ZNF385D: variants seen among roughly 807,000 people sequenced by gnomAD.
ZNF385D encodes zinc finger protein 385D.
Under a neutral mutation model 35.8 loss-of-function variants are expected in ZNF385D, and 15 were observed. The ratio of observed to expected loss-of-function variants is 0.42; its 90% CI spans 0.28 to 0.64. The LOEUF (loss-of-function observed/expected upper bound fraction) is 0.64, where lower values mean the gene tolerates loss of function less well. Ranked by LOEUF, ZNF385D falls within the 30% of genes least tolerant of loss-of-function variation. The pLI, the probability that ZNF385D is intolerant of heterozygous loss-of-function variation, is 0.23. For synonymous variants in ZNF385D, 212 were observed against 186.8 expected, an observed-to-expected ratio of 1.13 and a Z score of -1.10; for missense variants, 474 against 494.6, an observed-to-expected ratio of 0.96 and a Z score of 0.39.
intron 2 of ZNF385D, among the ~76,000 whole-genome samples, chr3:22,188,303 A>G (rs938684842): frequency 2.6e-5 from 4 of 152,168 alleles, no homozygotes; most frequent in Non-Finnish European, 5.9e-5. Flanking sequence ...TGAAAGACCA[A>G]TGGCAATTAA....
At chr3:21,509,098 C>T (rs1707007172) in intron 4 of ZNF385D, among the ~76,000 whole-genome samples, 1 of 151,722 alleles carries the variant, frequency 6.6e-6, no homozygotes, top group African/African-American at 2.4e-5. Flanking sequence ...AGCAGCTCTA[C>T]CTACCACACA....
intron 3 of ZNF385D, among the ~76,000 whole-genome samples, chr3:21,772,292 T>C (rs1368440997): frequency 6.6e-6 from 1 of 151,816 alleles, no homozygotes; most frequent in Non-Finnish European, 1.5e-5. Context: ...AGAAAGGCAA[T>C]TCACAGAATG....
At chr3:21,956,341 A>G (rs566972387) in intron 3 of ZNF385D, among the ~76,000 whole-genome samples, 1 of 152,028 alleles carries the variant, frequency 6.6e-6, no homozygotes, top group Non-Finnish European at 1.5e-5. Context: ...TACAAATGTG[A>G]TATTCCTCCT....
At chr3:21,711,203 G>A (rs1244940678) in intron 1 of ZNF385D, among the ~76,000 whole-genome samples, 2 of 151,390 alleles carry the variant, frequency 1.3e-5, no homozygotes, top group Admixed American at 6.6e-5. Flanking sequence ...CATCACGCCC[G>A]GCTAATTTTT....
At chr3:21,594,317 C>T (rs1187275740) in intron 2 of ZNF385D, among the ~76,000 whole-genome samples, 3 of 152,240 alleles carry the variant, frequency 2.0e-5, no homozygotes, top group Middle Eastern at 6.8e-3. Flanking sequence ...TTTAAAACAG[C>T]CCTGTCTTAG....
intron 3 of ZNF385D, among the ~76,000 whole-genome samples, chr3:21,809,186 T>C (rs2072792311): frequency 6.6e-6 from 1 of 152,106 alleles, no homozygotes; most frequent in Non-Finnish European, 1.5e-5. Flanking sequence ...AAAGTAGCTA[T>C]TATTAAAATG....
At chr3:22,316,383 T>C (rs925026627) in intron 2 of ZNF385D, among the ~76,000 whole-genome samples, 2 of 152,208 alleles carry the variant, frequency 1.3e-5, no homozygotes, top group African/African-American at 4.8e-5. Context: ...AGGCAATTAA[T>C]AATAAAGTAG....
At chr3:22,010,021 C>T (rs779545965) in intron 3 of ZNF385D, among the ~76,000 whole-genome samples, 3 of 152,006 alleles carry the variant, frequency 2.0e-5, no homozygotes, top group Admixed American at 1.3e-4. Flanking sequence ...CAGGTAAACA[C>T]AGTCACTTCT....
At chr3:22,007,394 A>G (rs1472672322) in intron 3 of ZNF385D, among the ~76,000 whole-genome samples, 1 of 152,162 alleles carries the variant, frequency 6.6e-6, no homozygotes, top group Non-Finnish European at 1.5e-5. Context: ...ACTTTTATGG[A>G]TATTTATTTA....
intron 3 of ZNF385D, chr3:21,511,644 A>C (rs1253528292): frequency 2.2e-6 from 1 of 455,240 alleles, no homozygotes; most frequent in Non-Finnish European, 4.4e-6. Flanking sequence ...GAGAAGTTCA[A>C]CTTAGTGTCA....
At chr3:21,976,789 G>A (rs977813780) in intron 3 of ZNF385D, among the ~76,000 whole-genome samples, 9 of 152,162 alleles carry the variant, frequency 5.9e-5, no homozygotes, top group African/African-American at 1.7e-4. Flanking sequence ...TCAGGAGTTC[G>A]AGAACATCCT....
At chr3:22,011,676 A>G (rs1205111318) in intron 3 of ZNF385D, among the ~76,000 whole-genome samples, 9 of 152,226 alleles carry the variant, frequency 5.9e-5, no homozygotes, top group African/African-American at 2.2e-4. Context: ...TGATATAATA[A>G]AAGCTATAAT....
rs1461873930 is a variant in ZNF385D, at chr3:21,418,653, T to C, written c.*2561A>G. ...ATGCCTTGTGACCCAGGACACTGTG[T>C]ATCCCATAGGCCCTGATTTTTAGTG... is the stretch of plus-strand genomic sequence containing the variant. On this transcript the variant is annotated 3_prime_UTR_variant, in exon 8 of 8. Coordinates refer to ENST00000281523, the MANE Select transcript of ZNF385D (RefSeq NM_024697.3). 1.3e-5 allele frequency: 2 copies of C among 152,176 alleles called. No homozygotes were observed. Among genetic ancestry groups the C allele is most frequent in the Non-Finnish European group, 2.9e-5 (2 of 68,002 alleles). 9.4% of individuals were successfully genotyped at this position (152,176 alleles called of 1,614,324 possible).
intron 2 of ZNF385D, among the ~76,000 whole-genome samples, chr3:21,632,728 G>T (rs1175064901): frequency 1.3e-5 from 2 of 152,056 alleles, no homozygotes; most frequent in African/African-American, 4.8e-5. Context: ...ATTTGTAGTG[G>T]GTCATACATC....
chr3:21,803,413 G>A (rs1271900513), intron 3 of ZNF385D, among the ~76,000 whole-genome samples: 1 of 152,060 alleles, frequency 6.6e-6, no homozygotes, highest in African/African-American at 2.4e-5. Context: ...GTTTTCTTCT[G>A]TATAGGAGTC....
In ZNF385D at chr3:22,202,406, T is replaced by A. The variant is rs145376091; in HGVS notation, c.107-33371A>T. Among the ~76,000 whole-genome samples the A allele has an allele frequency of 1.0e-3, 155 of 152,212 alleles. 3 individuals are homozygous for A. Among genetic ancestry groups the A allele is most frequent in the Admixed American group, 9.5e-3 (145 of 15,262 alleles). On this transcript the variant is annotated intron_variant, in intron 2 of 5. Transcript: ENST00000494108. ...CACAGAAAATACTAGCATAATCTCC[T>A]GGTGCCATACAGGGAAGTGTGCCTG...
chr3:22,306,477 T>C (rs1455844934), intron 2 of ZNF385D, among the ~76,000 whole-genome samples: 1 of 152,106 alleles, frequency 6.6e-6, no homozygotes, highest in South Asian at 2.1e-4. Flanking sequence ...TGTCCAATAA[T>C]AGTTCTACAA....
intron 3 of ZNF385D, among the ~76,000 whole-genome samples, chr3:22,167,933 C>A (rs566334481): frequency 6.6e-6 from 1 of 152,106 alleles, no homozygotes; most frequent in African/African-American, 2.4e-5. Context: ...TAAAGCAATG[C>A]AGAAGCAATT....
chr3:21,925,194 A>G (rs1305457803), intron 3 of ZNF385D, among the ~76,000 whole-genome samples: 1 of 152,146 alleles, frequency 6.6e-6, no homozygotes, highest in Non-Finnish European at 1.5e-5. Context: ...AATAGCTAAA[A>G]TAATTTTGAA....
Sources: gnomAD v4.1 joint callset for allele counts (sites outside exome capture counted in the v4.1 genomes callset) on GRCh38, gnomAD v4.1.1 for gene constraint, MANE v1.5 for transcripts, NCBI Gene and HGNC (gene_info 2026-07-23, HGNC 2026-07-21) for gene names.